Variants in IL1RAPL1 observed in about 807,000 individuals in gnomAD.
IL1RAPL1 encodes the protein interleukin-1 receptor accessory protein-like 1.
Under a neutral mutation model 48.4 loss-of-function variants are expected in IL1RAPL1, and 3 were observed. That is an observed-to-expected ratio of 0.06 (90% CI 0.03 to 0.16). The LOEUF (loss-of-function observed/expected upper bound fraction) is 0.16, where lower values mean the gene tolerates loss of function less well. Ranked by LOEUF, IL1RAPL1 falls within the 10% of genes least tolerant of loss-of-function variation. The pLI is 1.00. For synonymous variants in IL1RAPL1, 185 were observed against 187.7 expected (o/e 0.99, Z 0.12); for missense variants, 349 against 530.6 (o/e 0.66, Z 3.36).
intron 5 of IL1RAPL1, among the ~76,000 whole-genome samples, chrX:29,654,070 AAAAG>A (rs1466405951): frequency 4.7e-4 from 52 of 110,097 alleles, no homozygotes; most frequent in African/African-American, 1.7e-3. Flanking sequence ...GAAGAAGGAA[AAAAG>A]AAAGGAAGTG....
At chrX:29,095,816 T>G (rs1035850588) in intron 2 of IL1RAPL1, among the ~76,000 whole-genome samples, 68 of 108,576 alleles carry the variant, frequency 6.3e-4, no homozygotes, top group Non-Finnish European at 1.2e-3. Context: ...TGCCTAGAGA[T>G]AAGAATTTAA....
At chrX:28,669,048 T>C (rs1160028334) in intron 1 of IL1RAPL1, among the ~76,000 whole-genome samples, 4 of 111,771 alleles carry the variant, frequency 3.6e-5, no homozygotes, top group African/African-American at 1.3e-4. Context: ...TCATCTGATA[T>C]GTTGAACTTA....
chrX:29,756,754 C>G (rs755107818), intron 6 of IL1RAPL1, among the ~76,000 whole-genome samples: 38 of 111,861 alleles, frequency 3.4e-4, no homozygotes, highest in African/African-American at 1.2e-3. Context: ...TGGATATATT[C>G]GTCCAAAAAG....
chrX:29,757,816 G>A (rs5971733), intron 6 of IL1RAPL1, among the ~76,000 whole-genome samples: 12,573 of 111,201 alleles, frequency 0.11, 668 homozygotes, highest in Middle Eastern at 0.25. Context: ...CAATATATGT[G>A]GGAAAGGTCA....
At chrX:28,784,874 A>C (rs1200734214) in intron 1 of IL1RAPL1, among the ~76,000 whole-genome samples, 1 of 111,026 alleles carries the variant, frequency 9.0e-6, no homozygotes, top group African/African-American at 3.3e-5. Flanking sequence ...TTTCCTCTGA[A>C]TCTCTTTTGC....
intron 5 of IL1RAPL1, among the ~76,000 whole-genome samples, chrX:29,510,072 T>C (rs889674942): frequency 7.1e-5 from 8 of 112,364 alleles, no homozygotes; most frequent in African/African-American, 2.6e-4. Context: ...AGTATTGCAT[T>C]TAATTTGTTG....
At chrX:29,370,416 C>T (rs910388665) in intron 3 of IL1RAPL1, among the ~76,000 whole-genome samples, 3 of 110,300 alleles carry the variant, frequency 2.7e-5, no homozygotes, top group African/African-American at 6.6e-5. Context: ...ACAAGCCTTG[C>T]GTCTCCTGAT....
rs1351363407 is a variant in IL1RAPL1 at position 28,669,776 on chromosome X, A to G, written c.-25+81729A>G. On this transcript the variant is annotated intron_variant, in intron 1 of 10. Transcript: ENST00000378993. ...ATATATAATTTATATATATAATCAT[A>G]TATAAATTGTATATATATATATCCC... Among the ~76,000 whole-genome samples, 14 of 104,554 alleles carry G rather than the reference A, an allele frequency of 1.3e-4. No homozygotes were observed. The South Asian group carries it at 1.5e-3, about 12-fold the overall frequency. 90.8% of individuals were successfully genotyped at this position (104,554 alleles called of 115,157 possible).
chrX:29,633,658 C>G (rs1924868162), intron 5 of IL1RAPL1, among the ~76,000 whole-genome samples: 1 of 111,868 alleles, frequency 8.9e-6, no homozygotes, highest in Admixed American at 9.5e-5. Flanking sequence ...AAAGTTTTAT[C>G]AGGGTTGTTT....
At chrX:28,631,863 G>A (rs1934404510) in intron 1 of IL1RAPL1, among the ~76,000 whole-genome samples, 1 of 112,286 alleles carries the variant, frequency 8.9e-6, no homozygotes, top group African/African-American at 3.2e-5. Flanking sequence ...TAATATAGTT[G>A]AGAGGTCAAG....
At chrX:29,004,331 TAACAAAG>T (rs1250848048) in intron 2 of IL1RAPL1, among the ~76,000 whole-genome samples, 4 of 112,475 alleles carry the variant, frequency 3.6e-5, no homozygotes, top group Non-Finnish European at 7.5e-5. Context: ...GTGTATACTC[TAACAAAG>T]TAGAAAGAGA....
intron 2 of IL1RAPL1, among the ~76,000 whole-genome samples, chrX:28,956,610 G>A (rs865851257): frequency 6.6e-4 from 67 of 100,877 alleles, no homozygotes; most frequent in Middle Eastern, 4.9e-3. Context: ...CAGGGATGAA[G>A]CCCACTTGAT....
intron 2 of IL1RAPL1, among the ~76,000 whole-genome samples, chrX:28,863,171 C>A (rs1292886474): frequency 1.8e-5 from 2 of 111,575 alleles, no homozygotes; most frequent in East Asian, 5.6e-4. Flanking sequence ...TGAGCCACTG[C>A]GCCTGGTCTC....
intron 2 of IL1RAPL1, among the ~76,000 whole-genome samples, chrX:29,005,723 A>G (rs1343895764): frequency 9.0e-6 from 1 of 111,410 alleles, no homozygotes; most frequent in African/African-American, 3.3e-5. Flanking sequence ...TAATATGAGA[A>G]AGTCATAATA....
At chrX:28,926,901 T>A (rs187559513) in intron 2 of IL1RAPL1, among the ~76,000 whole-genome samples, 1 of 110,896 alleles carries the variant, frequency 9.0e-6, no homozygotes, top group Admixed American at 9.6e-5. Context: ...TCTTCCCACC[T>A]TTTTTTTAGA....
intron 2 of IL1RAPL1, among the ~76,000 whole-genome samples, chrX:29,280,626 A>G (rs1404576984): frequency 3.6e-5 from 4 of 112,268 alleles, no homozygotes; most frequent in Non-Finnish European, 5.6e-5. Context: ...TAGTAAATGT[A>G]TGCTGAGCTG....
chrX:29,613,953 CAG>C (rs1924188553), intron 5 of IL1RAPL1, among the ~76,000 whole-genome samples: 1 of 108,328 alleles, frequency 9.2e-6, no homozygotes, highest in African/African-American at 3.4e-5. Context: ...TTAGTAGAGA[CAG>C]GGTTTCACCA....
chrX:29,481,796 C>T (rs1448790877), intron 5 of IL1RAPL1, among the ~76,000 whole-genome samples: 5 of 111,709 alleles, frequency 4.5e-5, no homozygotes, highest in Admixed American at 9.5e-5. Flanking sequence ...ATCACAACAT[C>T]TTTGTAAATT....
chrX:28,934,265 A>G (rs1028367057), intron 2 of IL1RAPL1, among the ~76,000 whole-genome samples: 5 of 111,446 alleles, frequency 4.5e-5, no homozygotes, highest in Admixed American at 9.6e-5. Flanking sequence ...AGTTACTTTC[A>G]GTACAGTTCA....
Sources: gnomAD v4.1 joint callset for allele counts (sites outside exome capture counted in the v4.1 genomes callset) on GRCh38, gnomAD v4.1.1 for gene constraint, MANE v1.5 for transcripts, NCBI Gene and HGNC (gene_info 2026-07-23, HGNC 2026-07-21) for gene names.